CAST: variants seen among roughly 807,000 people sequenced by gnomAD.
CAST encodes the protein MIR583 host.
In CAST, 76 loss-of-function variants were observed where a neutral mutation model predicts 119.6. That is an observed-to-expected ratio of 0.64 (90% CI 0.53 to 0.77). The LOEUF (loss-of-function observed/expected upper bound fraction) is 0.77, where lower values mean the gene tolerates loss of function less well. Ranked by LOEUF, CAST falls within the 30% of genes least tolerant of loss-of-function variation. The pLI is 0.00. For synonymous variants in CAST, 319 were observed against 331.6 expected (o/e 0.96, Z 0.41); for missense variants, 953 against 946.5 (o/e 1.01, Z -0.09).
chr5:96,705,162 A>G (rs1225289862), intron 3 of CAST, among the ~76,000 whole-genome samples: 2 of 152,108 alleles, frequency 1.3e-5, no homozygotes, highest in Admixed American at 6.5e-5. Context: ...TCTACAAAAA[A>G]TTTAAAAATT....
chr5:96,226,040 C>A, the CAST span, among the ~76,000 whole-genome samples: 1 of 152,138 alleles, frequency 6.6e-6, no homozygotes, highest in Non-Finnish European at 1.5e-5. Flanking sequence ...ACTCTCTGAT[C>A]AGCTTCTAAT....
the CAST span, among the ~76,000 whole-genome samples, chr5:96,469,879 A>ATATATAATATAT: frequency 5.8e-3 from 622 of 107,400 alleles, 32 homozygotes; most frequent in East Asian, 0.11. Flanking sequence ...ATATATATAT[A>ATATATAATATAT]ATATATATAT....
At chr5:96,180,863 C>T in the CAST span, among the ~76,000 whole-genome samples, 1 of 152,200 alleles carries the variant, frequency 6.6e-6, no homozygotes, top group South Asian at 2.1e-4. Context: ...ATACACTTCC[C>T]TGATCTGCTG....
At chr5:96,130,765 A>G in the CAST span, among the ~76,000 whole-genome samples, 1 of 152,108 alleles carries the variant, frequency 6.6e-6, no homozygotes, top group African/African-American at 2.4e-5. Flanking sequence ...CCAAATGACC[A>G]TAAAATTTAA....
chr5:96,066,641 T>C, the CAST span, among the ~76,000 whole-genome samples: 1 of 152,058 alleles, frequency 6.6e-6, no homozygotes, highest in Non-Finnish European at 1.5e-5. Flanking sequence ...CTGATCTTAT[T>C]TGTTTTTTTA....
At chr5:96,743,686 T>C (rs1436445776) in intron 16 of CAST, 1 of 1,613,400 alleles carries the variant, frequency 6.2e-7, no homozygotes, top group Non-Finnish European at 8.5e-7. Flanking sequence ...TGTGGCACGA[T>C]AAGCTTTGTG....
At chr5:96,577,071 A>G (rs1206215609) in intron 1 of CAST, among the ~76,000 whole-genome samples, 1 of 152,160 alleles carries the variant, frequency 6.6e-6, no homozygotes, top group Non-Finnish European at 1.5e-5. Flanking sequence ...CTTACAAGTG[A>G]GAACATGTGG....
At chr5:96,156,077 C>T in the CAST span, among the ~76,000 whole-genome samples, 18 of 152,168 alleles carry the variant, frequency 1.2e-4, no homozygotes, top group Admixed American at 7.9e-4. Context: ...TCGTATTGAA[C>T]GTGGGAGCCT....
At chr5:95,973,179 T>C in the CAST span, 1 of 180,644 alleles carries the variant, frequency 5.5e-6, no homozygotes, top group Non-Finnish European at 1.2e-5. Flanking sequence ...ATGTGCCATG[T>C]ATGAAGTTGT....
At chr5:96,083,603 C>T in the CAST span, among the ~76,000 whole-genome samples, 1 of 152,196 alleles carries the variant, frequency 6.6e-6, no homozygotes, top group Non-Finnish European at 1.5e-5. Context: ...AAGGCACCTA[C>T]CACCAGGGCA....
the CAST span, among the ~76,000 whole-genome samples, chr5:96,333,014 C>T: frequency 6.6e-6 from 1 of 152,156 alleles, no homozygotes; most frequent in African/African-American, 2.4e-5. Flanking sequence ...TCTTTAAGGA[C>T]CTGGGGCTTG....
At chr5:96,630,335 A>C (rs1267303333) in intron 1 of CAST, among the ~76,000 whole-genome samples, 1 of 152,258 alleles carries the variant, frequency 6.6e-6, no homozygotes, top group Non-Finnish European at 1.5e-5. Context: ...CTGAAAAATA[A>C]GAAAACACAA....
At chr5:96,293,984 T>A in the CAST span, among the ~76,000 whole-genome samples, 4 of 151,994 alleles carry the variant, frequency 2.6e-5, no homozygotes, top group Non-Finnish European at 4.4e-5. Flanking sequence ...GGTCTTGAAC[T>A]CCTGACCTCA....
At chr5:96,603,204 T>C (rs73152056) in intron 1 of CAST, among the ~76,000 whole-genome samples, 12,644 of 152,268 alleles carry the variant, frequency 0.083, 606 homozygotes, top group African/African-American at 0.14. Context: ...TAGGGCGTTG[T>C]AATGGGAATA....
chr5:96,352,408 A>G, the CAST span, among the ~76,000 whole-genome samples: 1 of 152,124 alleles, frequency 6.6e-6, no homozygotes, highest in Non-Finnish European at 1.5e-5. Context: ...GGCTCCAAGA[A>G]ATTGAACATA....
At chr5:96,023,898 TTTCC>T in the CAST span, among the ~76,000 whole-genome samples, 2 of 152,266 alleles carry the variant, frequency 1.3e-5, no homozygotes, top group South Asian at 2.1e-4. Flanking sequence ...TGGAAATTAC[TTTCC>T]TTGTCTTTTC....
At chr5:96,423,539 G>C in the CAST span, 22 of 1,275,504 alleles carry the variant, frequency 1.7e-5, no homozygotes, top group Non-Finnish European at 2.3e-5. Context: ...CCAACCTGGA[G>C]ACCCATCTTT....
chr5:96,163,541 A>G, the CAST span, among the ~76,000 whole-genome samples: 1 of 152,166 alleles, frequency 6.6e-6, no homozygotes, highest in African/African-American at 2.4e-5. Flanking sequence ...GGATTTTTCT[A>G]TATTTTTAAT....
chr5:96,185,826 AT>A, the CAST span, among the ~76,000 whole-genome samples: 1 of 151,666 alleles, frequency 6.6e-6, no homozygotes, highest in African/African-American at 2.4e-5. Flanking sequence ...TGTCTTGGCT[AT>A]TTGGGCTCTT....
Sources: allele counts gnomAD v4.1 joint callset (sites outside exome capture counted in the v4.1 genomes callset), GRCh38; gene constraint gnomAD v4.1.1; transcripts MANE v1.5; gene names NCBI Gene and HGNC (gene_info 2026-07-23, HGNC 2026-07-21).